The following SUPT20H variants were observed in gnomAD, a reference collection of about 807,000 sequenced individuals.
SUPT20H encodes SPT20 homolog, SAGA complex component, also known as transcription factor SPT20 homolog.
Under a neutral mutation model 122.8 loss-of-function variants are expected in SUPT20H, and 82 were observed. The observed-to-expected ratio is 0.67, with a 90% CI of 0.56 to 0.80. The LOEUF (loss-of-function observed/expected upper bound fraction) is 0.80. Among genes scored for constraint, SUPT20H ranks in the 30% least tolerant of loss-of-function variants. The pLI, the probability that SUPT20H is intolerant of heterozygous loss-of-function variation, is 0.00. For missense variants in SUPT20H, 831 were observed against 921.6 expected, an observed-to-expected ratio of 0.90 and a Z score of 1.27; for synonymous variants, 291 against 313.0, an observed-to-expected ratio of 0.93 and a Z score of 0.74.
rs1296357672 is a variant in SUPT20H at position 37,059,601 on chromosome 13, C to T, written c.-136G>A. ...CCGCTAGGCCCCAAGACGGCGCCGC[C>T]TGCTCGGCAGCAAAGCCCACCCGCC... is the stretch of plus-strand genomic sequence containing the variant. On this transcript the variant is annotated 5_prime_UTR_variant, in exon 1 of 26. Transcript: ENST00000350612. 1.3e-5 allele frequency: 2 copies of T among 152,304 alleles called. No individual in the cohort carries two copies. Among genetic ancestry groups the T allele is most frequent in the Non-Finnish European group, 2.9e-5 (2 of 68,074 alleles). The allele number at this position is 152,304 out of a possible 1,614,324, so 9.4% of individuals were successfully genotyped here.
intron 25 of SUPT20H, 33 bp downstream of exon 25, chr13:37,010,519 A>T (rs907210493): frequency 6.3e-7 from 1 of 1,584,300 alleles, no homozygotes. Context: ...GAGTATCTTT[A>T]AAAATGTAAT....
intron 25 of SUPT20H, among the ~76,000 whole-genome samples, 177 bp from the exon 26 acceptor site, chr13:37,009,986 C>G (rs2059304860): frequency 6.6e-6 from 1 of 152,172 alleles, no homozygotes; most frequent in Non-Finnish European, 1.5e-5. Context: ...GCACAGAAGC[C>G]TGCTAAGGGC....
intron 1 of SUPT20H, among the ~76,000 whole-genome samples, chr13:37,053,431 C>T (rs1414421049): frequency 6.6e-6 from 1 of 152,032 alleles, no homozygotes; most frequent in African/African-American, 2.4e-5. Flanking sequence ...GAACAGAAAA[C>T]CACACATCAC....
At chr13:37,052,545 A>G (rs1256211904) in intron 1 of SUPT20H, among the ~76,000 whole-genome samples, 1 of 151,364 alleles carries the variant, frequency 6.6e-6, no homozygotes, top group Admixed American at 6.6e-5. Flanking sequence ...AAGACTTACA[A>G]CATAAAACCA....
chr13:37,038,208 C>T (rs2064858059), intron 9 of SUPT20H: 1 of 152,134 alleles, frequency 6.6e-6, no homozygotes, highest in African/African-American at 2.4e-5. Flanking sequence ...TAATGGTTTT[C>T]ACATCCAAGA....
chr13:37,013,887 C>T (rs1032286126), intron 23 of SUPT20H: 2 of 152,020 alleles, frequency 1.3e-5, no homozygotes, highest in African/African-American at 2.4e-5. Context: ...CACATCACCA[C>T]CATAACGGAG....
intron 9 of SUPT20H, among the ~76,000 whole-genome samples, chr13:37,037,656 GAAGT>G: frequency 6.6e-6 from 1 of 152,292 alleles, no homozygotes; most frequent in Admixed American, 6.5e-5. Flanking sequence ...CAGTAACTGT[GAAGT>G]AACAGTCCTA....
In SUPT20H at chr13:37,038,684, T is replaced by C. The variant is rs1288225696; in HGVS notation, c.567+1721A>G. The C allele has an allele frequency of 2.0e-5, 3 of 152,228 alleles. No individual in the cohort carries two copies. In the East Asian group the frequency reaches 5.8e-4, roughly 29 times the overall value. The allele number at this position is 152,228 out of a possible 1,614,324, so 9.4% of individuals were successfully genotyped here. A position where few individuals can be genotyped will look rare whatever the true frequency, so the allele number is the denominator to read the frequency against. ...AACACTTTTGTGAGTGGACATCTCA[T>C]ATACAAGGGGTCTTTAAAAAGTTTA... On this transcript the variant is annotated intron_variant, in intron 9 of 25. Transcript: ENST00000350612.
intron 12 of SUPT20H, among the ~76,000 whole-genome samples, chr13:37,030,892 T>TC (rs2063179946): frequency 6.6e-6 from 1 of 152,180 alleles, no homozygotes; most frequent in South Asian, 2.1e-4. Context: ...TTGCGTAATT[T>TC]CTTTTTTTTA....
At chr13:37,048,722 C>CTA in intron 2 of SUPT20H, 123 bp from the exon 3 acceptor site, 1 of 703,462 alleles carries the variant, frequency 1.4e-6, no homozygotes. Flanking sequence ...TTTGTCTCCT[C>CTA]CACTCCACTC....
intron 17 of SUPT20H, chr13:37,024,947 C>CT (rs796218312): frequency 0.028 from 4,921 of 172,870 alleles, 164 homozygotes; most frequent in African/African-American, 0.09. Flanking sequence ...AAAAATGATT[C>CT]TTTTTTTTTT....
At position 37,009,542 on chromosome 13, in the gene SUPT20H, T is replaced by C. The variant is rs1593715943; in HGVS notation, c.*130A>G. 2.6e-6 allele frequency: 3 copies of C among 1,136,104 alleles called. No homozygotes were observed. The highest frequency in any genetic ancestry group is 4.7e-5 in the East Asian group (2 of 42,398). 70.4% of individuals were successfully genotyped at this position (1,136,104 alleles called of 1,614,324 possible). On this transcript the variant is annotated 3_prime_UTR_variant, in exon 26 of 26. Transcript: ENST00000350612. ...TTATTTAAAAATGATAAGGTTGTGC[T>C]TCTGTATAAAGTTTGTACATCTAGC... is the stretch of plus-strand genomic sequence containing the variant.
rs189235491 is a variant in SUPT20H, at chr13:37,053,465, C to G, written c.-93-1882G>C. On this transcript the variant is annotated intron_variant, in intron 1 of 25. Coordinates refer to ENST00000350612, the MANE Select transcript of SUPT20H (RefSeq NM_001014286.3). ...ACATGCTTTCACTCATAAGTGGGAGCTGAACAGTGAGACCACATGGACACA... is the reference window on the plus strand; with the variant it reads ...ACATGCTTTCACTCATAAGTGGGAGGTGAACAGTGAGACCACATGGACACA... Among the ~76,000 whole-genome samples, 335 of 151,440 alleles carry G rather than the reference C, an allele frequency of 2.2e-3. 1 individual carries two copies. The highest frequency in any genetic ancestry group is 0.014 in the Middle Eastern group (4 of 292).
rs200343262 is a variant in SUPT20H at position 37,012,284 on chromosome 13, C to T, written c.2006G>A (p.Gly669Asp). ...QQPGEQGSEQ[G>D]STSQEQALSA... ...TAAGGCCTGTTCTTGACTGGTTGAA[C>T]CTTGCTCAGAACCCTGAATAAAAAA... Residue 669 changes from glycine (G) to aspartate (D), a missense_variant, in exon 24 of 26, where the codon GGT (glycine) becomes GAT (aspartate). Gly to Asp is a moderately conservative substitution (Grantham distance 94). Transcript: ENST00000350612. 5.0e-6 allele frequency: 8 copies of T among 1,612,690 alleles called. No homozygotes were observed. In the Admixed American group the frequency reaches 6.7e-5, roughly 13 times the overall value.
chr13:37,029,219 G>C (rs2062855721), intron 13 of SUPT20H, among the ~76,000 whole-genome samples: 1 of 152,152 alleles, frequency 6.6e-6, no homozygotes, highest in Non-Finnish European at 1.5e-5. Flanking sequence ...AAGTAAAAAT[G>C]AAGTTCTTCA....
intron 7 of SUPT20H, 145 bp downstream of exon 7, chr13:37,043,933 C>A: frequency 1.9e-6 from 1 of 539,764 alleles, no homozygotes; most frequent in East Asian, 3.3e-5. Flanking sequence ...CTGTTGGGAA[C>A]AGTGATAGAA....
At chr13:37,024,692 T>C (rs941974244) in intron 17 of SUPT20H, 1 of 248,692 alleles carries the variant, frequency 4.0e-6, no homozygotes, top group East Asian at 7.8e-5. Flanking sequence ...TTCTGAGTAA[T>C]AGGGTGGGAA....
rs183491873 is a variant in SUPT20H at position 37,024,756 on chromosome 13, C to A, written c.1330-314G>T. ...AGTAAGATGAAAGCAAGCTTCCACT[C>A]TTCCATACTTATCTATTAAAGGAAA... On this transcript the variant is annotated intron_variant, in intron 17 of 25. Transcript: ENST00000350612. 1.5e-4 allele frequency: 28 copies of A among 192,450 alleles called. No individual in the cohort carries two copies. The East Asian group carries it at 3.6e-3, about 25-fold the overall frequency. The allele number at this position is 192,450 out of a possible 1,614,324, so 11.9% of individuals were successfully genotyped here. A position where few individuals can be genotyped will look rare whatever the true frequency, so the allele number is the denominator to read the frequency against.
At position 37,058,714 on chromosome 13, in the gene SUPT20H, C is replaced by T. The variant is rs866542685; in HGVS notation, c.-94+845G>A. Reference sequence around the variant, plus strand: ...AACATCACAGACCTAGATCAGAATTCAGAACTCTGTGTCCAATCTTAGGTC... The same window carrying T: ...AACATCACAGACCTAGATCAGAATTTAGAACTCTGTGTCCAATCTTAGGTC... On this transcript the variant is annotated intron_variant, in intron 1 of 25. Coordinates refer to ENST00000350612, the MANE Select transcript of SUPT20H (RefSeq NM_001014286.3). Among the ~76,000 whole-genome samples, 6 of 152,288 alleles carry T rather than the reference C, an allele frequency of 3.9e-5. 1 individual carries two copies. In the Middle Eastern group the frequency reaches 0.014, roughly 345 times the overall value.
Sources: gnomAD v4.1 joint callset for allele counts (sites outside exome capture counted in the v4.1 genomes callset) on GRCh38, gnomAD v4.1.1 for gene constraint, MANE v1.5 for transcripts, NCBI Gene and HGNC (gene_info 2026-07-23, HGNC 2026-07-21) for gene names.